Variants in RFTN2 observed in about 807,000 individuals in gnomAD.
RFTN2 encodes raftlin-2.
A neutral mutation model predicts 52.7 loss-of-function variants in RFTN2; 34 were observed. The observed-to-expected ratio is 0.64, with a 90% CI of 0.49 to 0.86. The LOEUF is 0.86. Ranked by LOEUF, RFTN2 falls within the 40% of genes least tolerant of loss-of-function variation. The pLI, the probability that RFTN2 is intolerant of heterozygous loss-of-function variation, is 0.00. For synonymous variants in RFTN2, 203 were observed against 217.7 expected (o/e 0.93, Z 0.59); for missense variants, 536 against 600.1 (o/e 0.89, Z 1.12).
intron 3 of RFTN2, among the ~76,000 whole-genome samples, chr2:197,634,865 T>G (rs2088536523): frequency 6.6e-6 from 1 of 151,602 alleles, no homozygotes; most frequent in Non-Finnish European, 1.5e-5. Flanking sequence ...TAGGTATATC[T>G]CCCAATGCTA....
At chr2:197,592,438 G>T (rs1021270094) in intron 8 of RFTN2, among the ~76,000 whole-genome samples, 1 of 152,124 alleles carries the variant, frequency 6.6e-6, no homozygotes, top group Non-Finnish European at 1.5e-5. Context: ...CAGATGATCC[G>T]CCCGCCTTGG....
intron 3 of RFTN2, among the ~76,000 whole-genome samples, chr2:197,639,301 G>A (rs1387457094): frequency 6.9e-6 from 1 of 145,026 alleles, no homozygotes; most frequent in East Asian, 2.0e-4. Context: ...TGCTAGATTG[G>A]GGAAGTTCTC....
chr2:197,576,407 T>C (rs1311082838), intron 8 of RFTN2, among the ~76,000 whole-genome samples: 2 of 152,184 alleles, frequency 1.3e-5, no homozygotes, highest in Non-Finnish European at 2.9e-5. Context: ...TAAAATTGAA[T>C]ATAGATTTAA....
chr2:197,604,329 C>A (rs1010169978), intron 7 of RFTN2, among the ~76,000 whole-genome samples: 3 of 152,184 alleles, frequency 2.0e-5, no homozygotes, highest in African/African-American at 7.2e-5. Context: ...CATTGTTTGT[C>A]ATAGCCAACA....
intron 1 of RFTN2, 141 bp from the exon 2 acceptor site, chr2:197,646,807 T>G (rs982701344): frequency 3.2e-5 from 18 of 568,952 alleles, no homozygotes; most frequent in Non-Finnish European, 4.8e-5. Context: ...CCCAGCACTT[T>G]GGAAGGCTGA....
At chr2:197,609,957 T>G (rs1574704322) in intron 7 of RFTN2, among the ~76,000 whole-genome samples, 1 of 152,344 alleles carries the variant, frequency 6.6e-6, no homozygotes, top group African/African-American at 2.4e-5. Flanking sequence ...AAGGCCTCTG[T>G]TCTGTTCCAT....
At chr2:197,589,681 TTTAA>T (rs1210369565) in intron 8 of RFTN2, among the ~76,000 whole-genome samples, 2 of 152,170 alleles carry the variant, frequency 1.3e-5, no homozygotes, top group Non-Finnish European at 2.9e-5. Context: ...GTTCCAGTCT[TTTAA>T]TTATTTTTTA....
rs180921017 is a variant in RFTN2, at chr2:197,580,550, C to T, written c.1234-8270G>A. 4.6e-3 allele frequency among the ~76,000 whole-genome samples: 707 copies of T among 152,370 alleles called. 6 individuals carry two copies. Among genetic ancestry groups the T allele is most frequent in the Non-Finnish European group, 6.3e-3 (431 of 68,044 alleles). The stretch of plus-strand genomic sequence containing the variant: ...GGAACTCTGGCCCAAGGCTCTCTGA[C>T]TGACTTCTTCCCAGATCTTCTCAGC... On this transcript the variant is annotated intron_variant, in intron 8 of 8. Coordinates refer to ENST00000295049, the MANE Select transcript of RFTN2 (RefSeq NM_144629.3).
intron 2 of RFTN2, 100 bp from the exon 3 acceptor site, chr2:197,644,372 G>A (rs1361463915): frequency 8.0e-6 from 5 of 624,724 alleles, no homozygotes; most frequent in Non-Finnish European, 1.4e-5. Flanking sequence ...ACAGGGTCAA[G>A]GTAATCATTT....
chr2:197,664,536 G>A (rs945447861), intron 1 of RFTN2, among the ~76,000 whole-genome samples: 1 of 151,862 alleles, frequency 6.6e-6, no homozygotes, highest in Admixed American at 6.6e-5. Context: ...GCAATTTAGA[G>A]GCTGAGGCAG....
intron 1 of RFTN2, among the ~76,000 whole-genome samples, chr2:197,668,778 G>A (rs1387453033): frequency 6.6e-6 from 1 of 152,116 alleles, no homozygotes; most frequent in African/African-American, 2.4e-5. Context: ...GAAGTGTTTG[G>A]GACCCAGTAT....
intron 4 of RFTN2, among the ~76,000 whole-genome samples, chr2:197,632,875 T>C (rs1362295343): frequency 1.3e-5 from 2 of 152,192 alleles, no homozygotes; most frequent in Non-Finnish European, 2.9e-5. Context: ...AAGGATCAGT[T>C]AATAGCAGTT....
chr2:197,636,921 C>T (rs970829717), intron 3 of RFTN2, among the ~76,000 whole-genome samples: 48 of 152,108 alleles, frequency 3.2e-4, no homozygotes, highest in African/African-American at 1.1e-3. Flanking sequence ...CCCATCAATA[C>T]CTAATTTATT....
chr2:197,642,178 A>G (rs973131156), intron 3 of RFTN2, among the ~76,000 whole-genome samples: 1 of 152,220 alleles, frequency 6.6e-6, no homozygotes, highest in Non-Finnish European at 1.5e-5. Flanking sequence ...ATAACTGACT[A>G]TCCCCAAACC....
intron 8 of RFTN2, among the ~76,000 whole-genome samples, chr2:197,589,688 A>T (rs529229288): frequency 6.6e-6 from 1 of 152,008 alleles, no homozygotes; most frequent in Admixed American, 6.5e-5. Context: ...TCTTTTAATT[A>T]TTTTTTAACT....
At position 197,617,796 on chromosome 2, in the gene RFTN2, T is replaced by G. The variant is rs759568902; in HGVS notation, c.1050+4A>C. Reference sequence around the variant, plus strand: ...AGCTAAATTGTCAGAAAACTGCAGCTCACCTCAATAACAGTCCATTGTTCT... The same window carrying G: ...AGCTAAATTGTCAGAAAACTGCAGCGCACCTCAATAACAGTCCATTGTTCT... On this transcript the variant is annotated splice_donor_region_variant and intron_variant, in intron 6 of 8. Transcript: ENST00000295049. The G allele has an allele frequency of 4.1e-6, 6 of 1,453,768 alleles. No homozygotes were observed. The highest frequency in any genetic ancestry group is 9.1e-7 in the Non-Finnish European group (1 of 1,093,908). 90.1% of individuals were successfully genotyped at this position (1,453,768 alleles called of 1,614,324 possible).
intron 5 of RFTN2, 85 bp downstream of exon 5, chr2:197,630,908 TCTGTCCTTTCAGCCATAG>T: frequency 1.3e-6 from 1 of 759,400 alleles, no homozygotes. Flanking sequence ...AGGAATGGTA[TCTGTCCTTTCAGCCATAG>T]AACTTGAGAG....
chr2:197,666,766 G>A (rs947634510), intron 1 of RFTN2, among the ~76,000 whole-genome samples: 37 of 152,170 alleles, frequency 2.4e-4, no homozygotes, highest in African/African-American at 8.2e-4. Flanking sequence ...CCAATAATTC[G>A]AGTATTTGGT....
intron 6 of RFTN2, among the ~76,000 whole-genome samples, chr2:197,616,491 T>C (rs376357121): frequency 4.0e-5 from 6 of 151,760 alleles, no homozygotes; most frequent in African/African-American, 9.7e-5. Context: ...GGGGTCTCAC[T>C]ATGTTGCCCA....
Sources: allele counts gnomAD v4.1 joint callset (sites outside exome capture counted in the v4.1 genomes callset), GRCh38; gene constraint gnomAD v4.1.1; transcripts MANE v1.5; gene names NCBI Gene and HGNC (gene_info 2026-07-23, HGNC 2026-07-21).